KIF21A: variants seen among roughly 807,000 people sequenced by gnomAD.
KIF21A encodes kinesin family member 21A.
KIF21A carries 114 observed loss-of-function variants against 202.9 expected under a neutral mutation model. That is an observed-to-expected ratio of 0.56 (90% CI 0.48 to 0.66). The LOEUF is 0.66. Among genes scored for constraint, KIF21A ranks in the 30% least tolerant of loss-of-function variants. The pLI is 0.00. For synonymous variants in KIF21A, 667 were observed against 670.8 expected (o/e 0.99, Z 0.09); for missense variants, 1,677 against 1,994.9 (o/e 0.84, Z 3.04).
intron 24 of KIF21A, among the ~76,000 whole-genome samples, chr12:39,327,613 C>T (rs774065188): frequency 2.0e-5 from 3 of 152,308 alleles, no homozygotes; most frequent in Admixed American, 6.5e-5. Flanking sequence ...TCGTAAAAAG[C>T]TCTTAACTCC....
chr12:39,409,610 T>C (rs1198714879), intron 1 of KIF21A, among the ~76,000 whole-genome samples: 2 of 151,662 alleles, frequency 1.3e-5, no homozygotes, highest in African/African-American at 2.4e-5. Context: ...GATAATAATA[T>C]CTATCATCTC....
chr12:39,338,027 A>C (rs998777783), intron 16 of KIF21A, among the ~76,000 whole-genome samples: 2 of 152,164 alleles, frequency 1.3e-5, no homozygotes, highest in African/African-American at 4.8e-5. Flanking sequence ...TGAAAAAAAA[A>C]GTTAACTATA....
At chr12:39,338,321 G>T (rs76393008) in intron 16 of KIF21A, among the ~76,000 whole-genome samples, 1 of 151,920 alleles carries the variant, frequency 6.6e-6, no homozygotes, top group Non-Finnish European at 1.5e-5. Flanking sequence ...ATTTTTGTAC[G>T]GCTATACAGT....
chr12:39,322,907 C>A (rs924249153), intron 26 of KIF21A, 25 bp from the exon 27 acceptor site: 1 of 1,451,414 alleles, frequency 6.9e-7, no homozygotes, highest in Admixed American at 2.0e-5. Flanking sequence ...GAAGGAAAAG[C>A]AATCAGGAGC....
At chr12:39,327,907 C>T (rs1946111662) in intron 24 of KIF21A, among the ~76,000 whole-genome samples, 1 of 152,306 alleles carries the variant, frequency 6.6e-6, no homozygotes, top group African/African-American at 2.4e-5. Context: ...TAAAGTTAAT[C>T]TATATCATTG....
intron 1 of KIF21A, among the ~76,000 whole-genome samples, chr12:39,379,326 T>TAAA (rs58672877): frequency 2.3e-5 from 3 of 129,518 alleles, no homozygotes; most frequent in Non-Finnish European, 3.4e-5. Flanking sequence ...AGACTCTGTC[T>TAAA]AAAAAAAAAA....
intron 1 of KIF21A, among the ~76,000 whole-genome samples, chr12:39,413,344 C>G (rs1418068672): frequency 6.6e-6 from 1 of 152,132 alleles, no homozygotes; most frequent in Non-Finnish European, 1.5e-5. Flanking sequence ...TTGGTCAATT[C>G]TTCCCTCCTG....
chr12:39,361,587 T>G (rs1179136807), intron 7 of KIF21A, among the ~76,000 whole-genome samples: 13 of 114,956 alleles, frequency 1.1e-4, no homozygotes, highest in Middle Eastern at 4.4e-3. Flanking sequence ...AGTGGCACGA[T>G]CTCCGCCTCC....
At chr12:39,378,293 T>C (rs979674066) in intron 1 of KIF21A, among the ~76,000 whole-genome samples, 1 of 152,298 alleles carries the variant, frequency 6.6e-6, no homozygotes, top group East Asian at 1.9e-4. Flanking sequence ...ACCAGTATCA[T>C]TCACAAGGGG....
intron 1 of KIF21A, among the ~76,000 whole-genome samples, chr12:39,424,257 A>G (rs58240943): frequency 0.34 from 51,091 of 151,954 alleles, 10,767 homozygotes; most frequent in African/African-American, 0.6. Flanking sequence ...CTTTTAGGAC[A>G]ACATACTCTC....
intron 28 of KIF21A, among the ~76,000 whole-genome samples, chr12:39,318,903 C>A (rs1218286060): frequency 1.3e-5 from 2 of 152,000 alleles, no homozygotes; most frequent in Admixed American, 1.3e-4. Flanking sequence ...ATGGTGTGAA[C>A]CCGGGAGGCG....
chr12:39,330,121 C>A (rs889865572), intron 24 of KIF21A, 121 bp downstream of exon 24: 2 of 866,022 alleles, frequency 2.3e-6, no homozygotes, highest in Admixed American at 3.8e-5. Context: ...CAAAAAAGAT[C>A]ATGCAAAAAC....
intron 1 of KIF21A, among the ~76,000 whole-genome samples, chr12:39,413,611 T>A (rs1282457241): frequency 6.6e-6 from 1 of 152,140 alleles, no homozygotes; most frequent in Non-Finnish European, 1.5e-5. Context: ...TAAAAAATGA[T>A]ACACATATCA....
At chr12:39,357,918 A>AGAAAT in intron 8 of KIF21A, among the ~76,000 whole-genome samples, 1 of 31,798 alleles carries the variant, frequency 3.1e-5, no homozygotes, top group East Asian at 9.5e-4. Flanking sequence ...CAAAAAAAAA[A>AGAAAT]AAAAAAAAAA....
At position 39,315,391 on chromosome 12, in the gene KIF21A, T is replaced by C. The variant is rs373657239; in HGVS notation, c.3948-151A>G. The C allele has an allele frequency of 1.0e-5, 7 of 699,656 alleles. No individual in the cohort carries two copies. The East Asian group carries it at 1.8e-4, about 18-fold the overall frequency. The allele number at this position is 699,656 out of a possible 1,614,324, so 43.3% of individuals were successfully genotyped here. ...GAAAAATCCATAAAATGAAAAAAAA[T>C]AACAGTTATTTTTAAAGCTGCACCT... On this transcript the variant is annotated intron_variant, in intron 30 of 37. Coordinates refer to ENST00000361418, the MANE Select transcript of KIF21A (RefSeq NM_001173464.2).
intron 12 of KIF21A, among the ~76,000 whole-genome samples, chr12:39,342,930 G>A (rs1947565499): frequency 6.6e-6 from 1 of 152,186 alleles, no homozygotes; most frequent in South Asian, 2.1e-4. Context: ...AAAGAGAGAA[G>A]TTTCGTACAC....
chr12:39,351,761 G>T lies in KIF21A; in HGVS notation c.1673+16C>A. The T allele has an allele frequency of 2.1e-6, 3 of 1,447,032 alleles. No homozygotes were observed. The highest frequency in any genetic ancestry group is 1.1e-5 in the South Asian group (1 of 87,066). The allele number at this position is 1,447,032 out of a possible 1,614,324, so 89.6% of individuals were successfully genotyped here. A position where few individuals can be genotyped will look rare whatever the true frequency, so the allele number is the denominator to read the frequency against. ...AGGAAATAGAGATTCATTTAGTGGT[G>T]ATTTTATAATCCCACCTTTTTTTCT... is the stretch of plus-strand genomic sequence containing the variant. On this transcript the variant is annotated intron_variant, in intron 11 of 37. Transcript: ENST00000361418.
chr12:39,394,069 G>A (rs1450155986), intron 1 of KIF21A, among the ~76,000 whole-genome samples: 1 of 152,184 alleles, frequency 6.6e-6, no homozygotes. Flanking sequence ...CCAATCTGCA[G>A]GAAATCCATT....
At chr12:39,423,331 C>A (rs1435382453) in intron 1 of KIF21A, among the ~76,000 whole-genome samples, 1 of 151,854 alleles carries the variant, frequency 6.6e-6, no homozygotes, top group African/African-American at 2.4e-5. Flanking sequence ...ATCCCATATT[C>A]TTTGAAGCAC....
Sources: gnomAD v4.1 joint callset for allele counts (sites outside exome capture counted in the v4.1 genomes callset) on GRCh38, gnomAD v4.1.1 for gene constraint, MANE v1.5 for transcripts, NCBI Gene and HGNC (gene_info 2026-07-23, HGNC 2026-07-21) for gene names.